The following PAX2 variants were observed in gnomAD, a reference collection of about 807,000 sequenced individuals.
The protein encoded by PAX2 is paired box 2, also known as paired box protein Pax-2.
PAX2 carries 9 observed loss-of-function variants against 41.7 expected under a neutral mutation model. That is an observed-to-expected ratio of 0.22 (90% CI 0.13 to 0.38). PAX2 has a LOEUF of 0.38. Among genes scored for constraint, PAX2 ranks in the 10% least tolerant of loss-of-function variants. The pLI, the probability that PAX2 is intolerant of heterozygous loss-of-function variation, is 1.00. For synonymous variants in PAX2, 221 were observed against 212.7 expected (o/e 1.04, Z -0.34); for missense variants, 418 against 531.6 (o/e 0.79, Z 2.10).
chr10:100,765,472 G>A (rs897664684), intron 3 of PAX2, among the ~76,000 whole-genome samples: 3 of 152,130 alleles, frequency 2.0e-5, no homozygotes, highest in Non-Finnish European at 2.9e-5. Flanking sequence ...CAAATTCCTA[G>A]ATTTCATTAT....
At position 100,829,634 on chromosome 10, in the gene PAX2, C is replaced by A. The variant is rs1330113066; in HGVS notation, c.*2015C>A. On this transcript the variant is annotated 3_prime_UTR_variant, in exon 10 of 10. Transcript: ENST00000355243. ...GCCCAGATCTCTCTCCCCTGCGAGC[C>A]CTTTTTATTTGAGAAGGAAAAAGAG... 1 of 205,436 alleles carries A rather than the reference C, an allele frequency of 4.9e-6. No homozygotes were observed. Among genetic ancestry groups the A allele is most frequent in the Admixed American group, 6.0e-5 (1 of 16,780 alleles). 12.7% of individuals were successfully genotyped at this position (205,436 alleles called of 1,614,324 possible).
intron 7 of PAX2, 148 bp downstream of exon 7, chr10:100,809,384 C>T (rs890861945): frequency 1.5e-5 from 12 of 775,130 alleles, no homozygotes; most frequent in Middle Eastern, 3.1e-4. Context: ...GCTTCCTGAA[C>T]AGGGGTGTGC....
At chr10:100,738,640 C>T (rs1349644580) in intron 1 of PAX2, among the ~76,000 whole-genome samples, 2 of 152,178 alleles carry the variant, frequency 1.3e-5, no homozygotes, top group Non-Finnish European at 2.9e-5. Flanking sequence ...ATTCGTTATC[C>T]GCGGGTCTAG....
intron 5 of PAX2, among the ~76,000 whole-genome samples, chr10:100,805,017 C>CACA: frequency 8.2e-5 from 5 of 60,860 alleles, no homozygotes; most frequent in African/African-American, 4.9e-4. Flanking sequence ...CTCTCTCTCT[C>CACA]TCACATACAC....
intron 7 of PAX2, among the ~76,000 whole-genome samples, chr10:100,811,210 A>C (rs1399313664): frequency 6.6e-6 from 1 of 152,222 alleles, no homozygotes; most frequent in Non-Finnish European, 1.5e-5. Context: ...GTTTGGATTA[A>C]TAGTGCCATT....
chr10:100,752,413 T>C (rs1387888430), intron 3 of PAX2, among the ~76,000 whole-genome samples: 1 of 152,112 alleles, frequency 6.6e-6, no homozygotes, highest in African/African-American at 2.4e-5. Flanking sequence ...TGGGGCAGCT[T>C]TGGGCTGAGG....
At chr10:100,762,028 C>T (rs60163501) in intron 3 of PAX2, among the ~76,000 whole-genome samples, 7,861 of 152,126 alleles carry the variant, frequency 0.052, 565 homozygotes, top group African/African-American at 0.16. Context: ...TCCTCTGAAG[C>T]TATGAGATGA....
At chr10:100,752,435 C>A (rs1324901190) in intron 3 of PAX2, among the ~76,000 whole-genome samples, 1 of 152,144 alleles carries the variant, frequency 6.6e-6, no homozygotes, top group African/African-American at 2.4e-5. Flanking sequence ...AAGAGTGGCA[C>A]TTCGGGAGGG....
rs993672154 is a variant in PAX2, at chr10:100,751,124, G to A, written c.410+233G>A. 7.2e-5 allele frequency among the ~76,000 whole-genome samples: 11 copies of A among 152,198 alleles called. No individual in the cohort carries two copies. The South Asian group carries it at 1.0e-3, about 14-fold the overall frequency. On this transcript the variant is annotated intron_variant, in intron 3 of 9. Coordinates refer to ENST00000355243, the MANE Select transcript of PAX2 (RefSeq NM_000278.5). Reference sequence around the variant, plus strand: ...TCCCTGCCAGGCTTCTCCCGCCGGCGTCCTGGAAATGAATCCAAGTGTTTG... The same window carrying A: ...TCCCTGCCAGGCTTCTCCCGCCGGCATCCTGGAAATGAATCCAAGTGTTTG...
chr10:100,739,287 A>T (rs1273423116), intron 1 of PAX2, among the ~76,000 whole-genome samples: 1 of 152,052 alleles, frequency 6.6e-6, no homozygotes, highest in Admixed American at 6.5e-5. Flanking sequence ...CTTTGTCTCC[A>T]GCCACCTCGC....
rs1343671408 is a variant in PAX2, at chr10:100,745,980, G to T, written c.-281G>T. ...GAGCCATGCGCCCCCAGTGCACCCC[G>T]GCCCGGCCCACCGCCCCGGGGCCAT... On this transcript the variant is annotated 5_prime_UTR_variant, in exon 1 of 10. Transcript: ENST00000355243. The T allele has an allele frequency of 1.5e-6, 2 of 1,334,032 alleles. No homozygotes were observed. The highest frequency in any genetic ancestry group is 1.9e-6 in the Non-Finnish European group (2 of 1,046,608). The allele number at this position is 1,334,032 out of a possible 1,614,324, so 82.6% of individuals were successfully genotyped here.
Position 100,771,278 on chromosome 10 carries a change from G to T in PAX2, c.411-8220G>T, listed in dbSNP as rs1340566234. ...GCCAGAATGGAAGGTCCTGCCCACA[G>T]CTCTGAAGAATGGCCTGGCCCTTAT... On this transcript the variant is annotated intron_variant, in intron 3 of 9. Transcript: ENST00000355243. Among the ~76,000 whole-genome samples the T allele has an allele frequency of 2.0e-5, 3 of 152,190 alleles. No homozygotes were observed. In the East Asian group the frequency reaches 5.8e-4, roughly 29 times the overall value.
intron 7 of PAX2, 68 bp downstream of exon 7, chr10:100,809,304 A>T (rs1403502819): frequency 6.8e-7 from 1 of 1,478,142 alleles, no homozygotes; most frequent in Non-Finnish European, 9.4e-7. Flanking sequence ...ATGCCATCTG[A>T]GGCCCAGTGT....
Position 100,824,740 on chromosome 10 carries a change from A to T in PAX2, c.1012A>T (p.Met338Leu). The T allele has an allele frequency of 3.1e-6, 5 of 1,599,830 alleles. No individual in the cohort carries two copies. The highest frequency in any genetic ancestry group is 4.3e-6 in the Non-Finnish European group (5 of 1,167,184). ...GSYPTSTLAG[M>L]VPGSEFSGNP... ...CTACCCCACCTCCACCCTGGCAGGA[A>T]TGGTGCCTGGTAGGTGACAATGCTG... Residue 338 changes from methionine (M) to leucine (L), a missense_variant, in exon 8 of 10, where the codon ATG becomes TTG. Around this residue, in one of 2 missense-constraint regions of PAX2, gnomAD observed 310 missense variants for 325.2 expected, o/e 0.95. Transcript: ENST00000355243. The surrounding 1 kb of genome is among the most constrained non-coding windows in gnomAD (Gnocchi z 6.6).
At chr10:100,813,007 AAGAT>A (rs1253014498) in intron 7 of PAX2, among the ~76,000 whole-genome samples, 2 of 152,356 alleles carry the variant, frequency 1.3e-5, no homozygotes, top group African/African-American at 4.8e-5. Context: ...CACTAACACT[AAGAT>A]AGCTGATGAG....
intron 3 of PAX2, among the ~76,000 whole-genome samples, chr10:100,752,787 C>T (rs1845489430): frequency 6.6e-6 from 1 of 152,158 alleles, no homozygotes; most frequent in South Asian, 2.1e-4. Flanking sequence ...CAACAACATG[C>T]ACTCCTCATT....
chr10:100,749,477 T>C lies in PAX2; in HGVS notation c.44-269T>C, dbSNP rs188523857. The stretch of plus-strand genomic sequence containing the variant: ...CTCTCCCCTCTTTTCTGTCATCTGG[T>C]TTCTCTCCAGTCCCCCCTTTGCTTT... On this transcript the variant is annotated intron_variant, in intron 1 of 9. Transcript: ENST00000355243. 874 of 1,292,336 alleles carry C rather than the reference T, an allele frequency of 6.8e-4. 8 individuals carry two copies. Among genetic ancestry groups the C allele is most frequent in the Non-Finnish European group, 1.8e-4 (183 of 1,024,332 alleles). The allele number at this position is 1,292,336 out of a possible 1,614,324, so 80.1% of individuals were successfully genotyped here.
At chr10:100,796,331 A>G (rs1020525621) in intron 5 of PAX2, among the ~76,000 whole-genome samples, 38 of 152,270 alleles carry the variant, frequency 2.5e-4, no homozygotes, top group African/African-American at 8.4e-4. Context: ...TGCCATTTTC[A>G]CCTAACATTA....
Position 100,745,892 on chromosome 10 carries a change from T to C in PAX2, c.-369T>C. The C allele has an allele frequency of 8.8e-7, 1 of 1,141,522 alleles. No individual in the cohort carries two copies. Among genetic ancestry groups the C allele is most frequent in the Non-Finnish European group, 1.1e-6 (1 of 930,328 alleles). The allele number at this position is 1,141,522 out of a possible 1,614,324, so 70.7% of individuals were successfully genotyped here. A position where few individuals can be genotyped will look rare whatever the true frequency, so the allele number is the denominator to read the frequency against. ...ACCACCGCCTCTCGGATGACCAGGT[T>C]CCAGGGGAGCTGAGCGAGTCGCCTC... On this transcript the variant is annotated 5_prime_UTR_variant, in exon 1 of 10. Coordinates refer to ENST00000355243, the MANE Select transcript of PAX2 (RefSeq NM_000278.5).
Sources: gnomAD v4.1 joint callset for allele counts (sites outside exome capture counted in the v4.1 genomes callset) on GRCh38, gnomAD v4.1.1 for gene constraint, gnomAD v4.1.1 regional missense constraint, Gnocchi (gnomAD v3.1) non-coding constraint, MANE v1.5 for transcripts, NCBI Gene and HGNC (gene_info 2026-07-23, HGNC 2026-07-21) for gene names.